LPP: variants seen among roughly 807,000 people sequenced by gnomAD.
The protein encoded by LPP is LIM domain containing preferred translocation partner in lipoma.
In LPP, 38 loss-of-function variants were observed where a neutral mutation model predicts 60.4. The ratio of observed to expected loss-of-function variants is 0.63; its 90% CI spans 0.49 to 0.83. LPP has a LOEUF of 0.83. Ranked by LOEUF, LPP falls within the 40% of genes least tolerant of loss-of-function variation. LPP has a pLI of 0.00. For missense variants in LPP, 902 were observed against 783.6 expected (o/e 1.15, Z -1.80); for synonymous variants, 328 against 290.8 (o/e 1.13, Z -1.30).
chr3:188,311,040 G>T (rs1046041287), intron 2 of LPP, among the ~76,000 whole-genome samples: 3 of 152,140 alleles, frequency 2.0e-5, no homozygotes, highest in African/African-American at 7.2e-5. Flanking sequence ...AAAAGTCGAA[G>T]ATATTAAGCA....
chr3:188,825,051 G>A (rs1755016705), intron 9 of LPP, among the ~76,000 whole-genome samples: 1 of 152,084 alleles, frequency 6.6e-6, no homozygotes, highest in South Asian at 2.1e-4. Flanking sequence ...CTTATGTTTT[G>A]GTTATCCCAA....
intron 2 of LPP, among the ~76,000 whole-genome samples, chr3:188,321,982 C>G (rs73888219): frequency 0.091 from 13,850 of 152,166 alleles, 701 homozygotes; most frequent in South Asian, 0.11. Context: ...CATCAGGTGT[C>G]CCTGTCATCT....
rs1373788313 is a variant in LPP, at chr3:188,877,864, A to G, written c.*3385A>G. 3 of 215,084 alleles carry G rather than the reference A, an allele frequency of 1.4e-5. No individual in the cohort carries two copies. The highest frequency in any genetic ancestry group is 2.8e-5 in the Non-Finnish European group (3 of 106,626). 13.3% of individuals were successfully genotyped at this position (215,084 alleles called of 1,614,324 possible). A position where few individuals can be genotyped will look rare whatever the true frequency, so the allele number is the denominator to read the frequency against. On this transcript the variant is annotated 3_prime_UTR_variant, in exon 12 of 12. Coordinates refer to ENST00000617246, the MANE Select transcript of LPP (RefSeq NM_001375462.1). ...GTGGGTTCTTTTTCTTGTCATTAACACATTGTTATTTCTGTAGGAGCAACT... is the reference window on the plus strand; with the variant it reads ...GTGGGTTCTTTTTCTTGTCATTAACGCATTGTTATTTCTGTAGGAGCAACT...
intron 6 of LPP, among the ~76,000 whole-genome samples, chr3:188,563,201 A>C (rs1831157305): frequency 1.3e-5 from 2 of 151,956 alleles, no homozygotes; most frequent in African/African-American, 4.8e-5. Context: ...TGTGCAGTAC[A>C]TTGGACCACG....
At chr3:188,515,186 G>GA (rs1391680851) in intron 5 of LPP, among the ~76,000 whole-genome samples, 1 of 152,140 alleles carries the variant, frequency 6.6e-6, no homozygotes, top group East Asian at 1.9e-4. Flanking sequence ...TCACAGAGGT[G>GA]AATCTCTTAT....
intron 9 of LPP, among the ~76,000 whole-genome samples, chr3:188,863,160 A>G (rs1765687465): frequency 6.6e-6 from 1 of 152,158 alleles, no homozygotes; most frequent in Admixed American, 6.5e-5. Flanking sequence ...GTAAACATGT[A>G]TCTTTTTCTA....
At chr3:188,218,073 C>T (rs893465034) in intron 1 of LPP, among the ~76,000 whole-genome samples, 1 of 152,168 alleles carries the variant, frequency 6.6e-6, no homozygotes, top group African/African-American at 2.4e-5. Context: ...CTCCTGTAAA[C>T]TCCCTGGTAA....
At chr3:188,399,993 A>C (rs1781866609) in intron 3 of LPP, among the ~76,000 whole-genome samples, 1 of 152,048 alleles carries the variant, frequency 6.6e-6, no homozygotes, top group Non-Finnish European at 1.5e-5. Flanking sequence ...AAGTTTTCCC[A>C]CCTACGTGGG....
intron 3 of LPP, among the ~76,000 whole-genome samples, chr3:188,370,120 G>T (rs1772561679): frequency 6.6e-6 from 1 of 152,124 alleles, no homozygotes; most frequent in African/African-American, 2.4e-5. Context: ...TAGAGACGGG[G>T]TTTTACCGTC....
At chr3:188,806,796 C>A (rs1749281041) in intron 9 of LPP, among the ~76,000 whole-genome samples, 1 of 151,774 alleles carries the variant, frequency 6.6e-6, no homozygotes. Context: ...AGTTTCAGGA[C>A]CTTACAATTG....
chr3:188,501,715 G>A (rs1451713189), intron 5 of LPP, among the ~76,000 whole-genome samples: 1 of 145,770 alleles, frequency 6.9e-6, no homozygotes, highest in Admixed American at 6.9e-5. Context: ...CTCCAGCCTG[G>A]GTGACAGAGG....
At chr3:188,703,650 G>A (rs1056898649) in intron 7 of LPP, among the ~76,000 whole-genome samples, 3 of 152,062 alleles carry the variant, frequency 2.0e-5, no homozygotes, top group Non-Finnish European at 4.4e-5. Context: ...AAAAAAACAG[G>A]AATCCATAAT....
At chr3:188,561,259 T>C (rs1373462510) in intron 6 of LPP, among the ~76,000 whole-genome samples, 1 of 152,118 alleles carries the variant, frequency 6.6e-6, no homozygotes, top group African/African-American at 2.4e-5. Context: ...CATTGGCTTC[T>C]GCAAAACTTG....
At chr3:188,493,869 A>G (rs1006403966) in intron 5 of LPP, among the ~76,000 whole-genome samples, 4 of 151,976 alleles carry the variant, frequency 2.6e-5, no homozygotes, top group African/African-American at 7.3e-5. Context: ...TCTTTTTCCA[A>G]TAGTTCTACT....
intron 5 of LPP, among the ~76,000 whole-genome samples, chr3:188,490,302 T>G (rs776259684): frequency 5.5e-4 from 83 of 152,228 alleles, no homozygotes; most frequent in Non-Finnish European, 7.5e-4. Flanking sequence ...CTGAAATTGT[T>G]TATTTTAAAG....
At chr3:188,592,836 G>A (rs968400475) in intron 6 of LPP, among the ~76,000 whole-genome samples, 13 of 151,910 alleles carry the variant, frequency 8.6e-5, no homozygotes, top group African/African-American at 3.1e-4. Flanking sequence ...CACTGTACCC[G>A]GCGTATCATT....
chr3:188,497,063 A>G (rs1304308372), intron 5 of LPP, among the ~76,000 whole-genome samples: 2 of 151,890 alleles, frequency 1.3e-5, no homozygotes, highest in Non-Finnish European at 2.9e-5. Context: ...CATTCATATT[A>G]TAAGAAATAT....
intron 8 of LPP, among the ~76,000 whole-genome samples, chr3:188,721,516 C>T (rs932235076): frequency 6.6e-6 from 1 of 152,008 alleles, no homozygotes; most frequent in African/African-American, 2.4e-5. Context: ...ATTGCACCAC[C>T]GCACTCCAGC....
intron 6 of LPP, among the ~76,000 whole-genome samples, chr3:188,551,128 G>T (rs746623119): frequency 5.9e-5 from 9 of 152,134 alleles, no homozygotes; most frequent in Non-Finnish European, 7.4e-5. Context: ...ACCAGAGACT[G>T]GGAAGAAAAG....
Sources: allele counts gnomAD v4.1 joint callset (sites outside exome capture counted in the v4.1 genomes callset), GRCh38; gene constraint gnomAD v4.1.1; transcripts MANE v1.5; gene names NCBI Gene and HGNC (gene_info 2026-07-23, HGNC 2026-07-21).